The following LMX1A variants were observed in gnomAD, a reference collection of about 807,000 sequenced individuals.
LMX1A encodes LIM homeobox transcription factor 1 alpha, also known as LIM homeobox transcription factor 1-alpha.
Under a neutral mutation model 49.1 loss-of-function variants are expected in LMX1A, and 15 were observed. The ratio of observed to expected loss-of-function variants is 0.31; its 90% CI spans 0.20 to 0.47. The LOEUF (loss-of-function observed/expected upper bound fraction) is 0.47. Ranked by LOEUF, LMX1A falls within the 20% of genes least tolerant of loss-of-function variation. LMX1A has a pLI of 1.00. For synonymous variants in LMX1A, 167 were observed against 185.7 expected (o/e 0.90, Z 0.82); for missense variants, 372 against 475.8 (o/e 0.78, Z 2.03).
chr1:165,230,089 G>A (rs1207405945), intron 4 of LMX1A, among the ~76,000 whole-genome samples: 1 of 152,148 alleles, frequency 6.6e-6, no homozygotes, highest in East Asian at 1.9e-4. Flanking sequence ...AGAGCACAAG[G>A]AAAAATCAGC....
intron 5 of LMX1A, chr1:165,212,830 C>T (rs1219579019): frequency 1.3e-5 from 2 of 152,230 alleles, no homozygotes; most frequent in African/African-American, 4.8e-5. Context: ...CATTTCCCAA[C>T]TTTCCCTGCA....
chr1:165,300,454 C>T (rs1176009667), intron 3 of LMX1A, among the ~76,000 whole-genome samples: 1 of 152,184 alleles, frequency 6.6e-6, no homozygotes. Context: ...AAGTTAAGGG[C>T]TTTTCTTTCT....
At chr1:165,261,308 C>T (rs192483888) in intron 3 of LMX1A, among the ~76,000 whole-genome samples, 101 of 152,242 alleles carry the variant, frequency 6.6e-4, no homozygotes, top group Admixed American at 9.8e-4. Context: ...CCCCATCCTT[C>T]CATTTCAACT....
intron 3 of LMX1A, among the ~76,000 whole-genome samples, chr1:165,301,766 A>G (rs1261841726): frequency 6.6e-6 from 1 of 152,208 alleles, no homozygotes; most frequent in African/African-American, 2.4e-5. Flanking sequence ...AGAATGAAAG[A>G]ACAAACTGGT....
At chr1:165,215,531 C>A (rs915320105) in intron 4 of LMX1A, among the ~76,000 whole-genome samples, 5 of 152,136 alleles carry the variant, frequency 3.3e-5, no homozygotes, top group Non-Finnish European at 7.4e-5. Flanking sequence ...GCTACACATC[C>A]TTTTTCTTTC....
chr1:165,276,210 G>A (rs1172745564), intron 3 of LMX1A, among the ~76,000 whole-genome samples: 1 of 152,144 alleles, frequency 6.6e-6, no homozygotes, highest in African/African-American at 2.4e-5. Flanking sequence ...TTTTGGCAAA[G>A]CTTCTCTACC....
intron 7 of LMX1A, among the ~76,000 whole-genome samples, chr1:165,207,081 T>C (rs1651116522): frequency 6.6e-6 from 1 of 152,126 alleles, no homozygotes; most frequent in African/African-American, 2.4e-5. Flanking sequence ...CTAGCAGCAA[T>C]GGCACCACCA....
intron 3 of LMX1A, among the ~76,000 whole-genome samples, chr1:165,348,997 C>T (rs188634160): frequency 9.9e-5 from 15 of 152,266 alleles, no homozygotes; most frequent in African/African-American, 2.9e-4. Context: ...TGCTGACATG[C>T]GGGGAGTTAT....
intron 4 of LMX1A, among the ~76,000 whole-genome samples, chr1:165,234,529 T>C (rs1021294050): frequency 6.6e-6 from 1 of 152,178 alleles, no homozygotes; most frequent in East Asian, 1.9e-4. Context: ...AGAGAGGTGG[T>C]TTCCATTGCT....
intron 6 of LMX1A, among the ~76,000 whole-genome samples, chr1:165,209,510 T>C (rs1651273561): frequency 6.6e-6 from 1 of 152,200 alleles, no homozygotes; most frequent in South Asian, 2.1e-4. Context: ...GAAAGTTAAG[T>C]TGACCATCAA....
chr1:165,215,840 T>A (rs915266497), intron 4 of LMX1A: 1 of 152,214 alleles, frequency 6.6e-6, no homozygotes, highest in Non-Finnish European at 1.5e-5. Flanking sequence ...GTGCAAGTTA[T>A]GTCATGTTGC....
intron 3 of LMX1A, among the ~76,000 whole-genome samples, chr1:165,313,538 GT>G (rs1453987220): frequency 7.0e-6 from 1 of 142,700 alleles, no homozygotes; most frequent in African/African-American, 2.6e-5. Flanking sequence ...ATAGAGAAGA[GT>G]TTTTTTAAAG....
chr1:165,344,648 C>A (rs1205732045), intron 3 of LMX1A, among the ~76,000 whole-genome samples: 2 of 152,162 alleles, frequency 1.3e-5, no homozygotes, highest in East Asian at 1.9e-4. Flanking sequence ...CTGGGGGATG[C>A]GCAGAAACTA....
intron 4 of LMX1A, among the ~76,000 whole-genome samples, chr1:165,235,178 G>A (rs1652382786): frequency 6.6e-6 from 1 of 152,144 alleles, no homozygotes; most frequent in South Asian, 2.1e-4. Flanking sequence ...GCAGTCGATG[G>A]TATCTGTAGC....
rs1422810887 is a variant in LMX1A at position 165,242,944 on chromosome 1, A to AC, written c.496+6463_496+6464insG. Among the ~76,000 whole-genome samples the AC allele has an allele frequency of 1.3e-3, 199 of 149,748 alleles. 4 individuals carry two copies. Among genetic ancestry groups the AC allele is most frequent in the Non-Finnish European group, 1.9e-3 (129 of 67,724 alleles). The stretch of plus-strand genomic sequence containing the variant: ...AACTCCACCTCAAAAAAAAAAAAAA[A>AC]AAACAAAACAAAAACATAAAACAAC... On this transcript the variant is annotated intron_variant, in intron 4 of 8. Coordinates refer to ENST00000342310, the MANE Select transcript of LMX1A (RefSeq NM_177398.4).
At chr1:165,263,958 G>C (rs146668108) in intron 3 of LMX1A, among the ~76,000 whole-genome samples, 1 of 152,296 alleles carries the variant, frequency 6.6e-6, no homozygotes, top group Non-Finnish European at 1.5e-5. Context: ...TGATATGGTA[G>C]TGCTGAATGA....
At chr1:165,338,194 C>T (rs1399033062) in intron 3 of LMX1A, among the ~76,000 whole-genome samples, 3 of 152,126 alleles carry the variant, frequency 2.0e-5, no homozygotes, top group Non-Finnish European at 4.4e-5. Context: ...AATATGAGCT[C>T]CCTGGATTCC....
At chr1:165,262,413 A>AAC (rs757761190) in intron 3 of LMX1A, among the ~76,000 whole-genome samples, 1 of 152,230 alleles carries the variant, frequency 6.6e-6, no homozygotes, top group Non-Finnish European at 1.5e-5. Flanking sequence ...AAGAAGCCTG[A>AAC]ATTCTTGAAA....
intron 3 of LMX1A, among the ~76,000 whole-genome samples, chr1:165,269,162 A>G (rs1653712837): frequency 6.6e-6 from 1 of 152,242 alleles, no homozygotes; most frequent in Admixed American, 6.5e-5. Context: ...TAACGAGCTT[A>G]GACTCTCAAT....
Sources: gnomAD v4.1 joint callset for allele counts (sites outside exome capture counted in the v4.1 genomes callset) on GRCh38, gnomAD v4.1.1 for gene constraint, MANE v1.5 for transcripts, NCBI Gene and HGNC (gene_info 2026-07-23, HGNC 2026-07-21) for gene names.